Variants in H6PD observed in about 807,000 individuals in gnomAD.
The protein encoded by H6PD is hexose-6-phosphate dehydrogenase/glucose 1-dehydrogenase.
Under a neutral mutation model 61.2 loss-of-function variants are expected in H6PD, and 48 were observed. The observed-to-expected ratio is 0.78, with a 90% CI of 0.62 to 1.00. H6PD has a LOEUF of 1.00. Ranked by LOEUF, H6PD falls within the 50% of genes least tolerant of loss-of-function variation. H6PD has a pLI of 0.00. For synonymous variants in H6PD, 480 were observed against 457.9 expected (o/e 1.05, Z -0.62); for missense variants, 1,093 against 1,065.0 (o/e 1.03, Z -0.37).
intron 3 of H6PD, among the ~76,000 whole-genome samples, chr1:9,252,530 C>T (rs570685485): frequency 2.0e-5 from 3 of 152,196 alleles, no homozygotes; most frequent in East Asian, 1.9e-4. Flanking sequence ...CCCACCTCCC[C>T]GGCTTCTATC....
intron 3 of H6PD, among the ~76,000 whole-genome samples, chr1:9,247,681 C>T (rs1191561785): frequency 2.0e-5 from 3 of 152,172 alleles, no homozygotes; most frequent in Non-Finnish European, 4.4e-5. Flanking sequence ...CCGCCTCTCC[C>T]GCACTGCCAC....
In H6PD at chr1:9,270,119, G is replaced by A. The variant is rs1638701167; in HGVS notation, c.*5250G>A. The A allele has an allele frequency of 1.3e-5, 2 of 152,658 alleles. No homozygotes were observed. The highest frequency in any genetic ancestry group is 2.1e-4 in the South Asian group (1 of 4,830). 9.5% of individuals were successfully genotyped at this position (152,658 alleles called of 1,614,324 possible). A position where few individuals can be genotyped will look rare whatever the true frequency, so the allele number is the denominator to read the frequency against. On this transcript the variant is annotated 3_prime_UTR_variant, in exon 5 of 5. Coordinates refer to ENST00000377403, the MANE Select transcript of H6PD (RefSeq NM_004285.4). ...GCGCTGGGGATGTGCCTGTCTCTGT[G>A]TGACCCACGAACGGGAAGGGAGAGC...
intron 3 of H6PD, among the ~76,000 whole-genome samples, chr1:9,258,910 C>T (rs989834181): frequency 5.3e-5 from 8 of 151,950 alleles, no homozygotes; most frequent in East Asian, 1.9e-4. Context: ...GTTGTTACAT[C>T]GGTGTTATGT....
At chr1:9,248,653 G>C (rs1048128621) in intron 3 of H6PD, among the ~76,000 whole-genome samples, 6 of 147,116 alleles carry the variant, frequency 4.1e-5, no homozygotes, top group Non-Finnish European at 9.0e-5. Flanking sequence ...CAAAATGGGT[G>C]ATGGGTGTTG....
At chr1:9,253,101 A>G (rs1254597688) in intron 3 of H6PD, among the ~76,000 whole-genome samples, 1 of 152,222 alleles carries the variant, frequency 6.6e-6, no homozygotes, top group East Asian at 1.9e-4. Context: ...CCTTGCACTC[A>G]GCTGCATGGC....
chr1:9,244,928 C>T lies in H6PD; in HGVS notation c.-7C>T, dbSNP rs770903607. The T allele has an allele frequency of 9.1e-6, 14 of 1,544,266 alleles. No homozygotes were observed. In the Middle Eastern group the frequency reaches 8.6e-4, roughly 95 times the overall value. On this transcript the variant is annotated 5_prime_UTR_variant, in exon 2 of 5. Transcript: ENST00000377403. Reference sequence around the variant, plus strand: ...TCTGTCTCTCTTTGCACCCCAGGCACCCAGGCATGTGGAATATGCTCATAG... The same window carrying T: ...TCTGTCTCTCTTTGCACCCCAGGCATCCAGGCATGTGGAATATGCTCATAG...
rs566450549 is a variant in H6PD at position 9,248,084 on chromosome 1, C to T, written c.745+1001C>T. Reference sequence around the variant, plus strand: ...GTCTGGCCCCAGCACTCAGGCCTGGCGCCGCTGCGCTGTGCTGCCAGCGCT... The same window carrying T: ...GTCTGGCCCCAGCACTCAGGCCTGGTGCCGCTGCGCTGTGCTGCCAGCGCT... On this transcript the variant is annotated intron_variant, in intron 3 of 4. Coordinates refer to ENST00000377403, the MANE Select transcript of H6PD (RefSeq NM_004285.4). Among the ~76,000 whole-genome samples, 277 of 152,320 alleles carry T rather than the reference C, an allele frequency of 1.8e-3. 2 individuals carry two copies. The highest frequency in any genetic ancestry group is 6.4e-3 in the African/African-American group (266 of 41,566).
In H6PD at chr1:9,262,185, G is replaced by A. The variant is rs751825630; in HGVS notation, c.872G>A (p.Arg291Gln). The change falls in exon 4 of 5, where the codon CGG (arginine) becomes CAG (glutamine). Residue 291 changes from arginine (R) to glutamine (Q), a missense_variant. Arg to Gln is a conservative substitution (Grantham distance 43). Transcript: ENST00000377403. The stretch of plus-strand genomic sequence containing the variant: ...GTCAGCAGTGCGGAGGCTGTGCTGC[G>A]GCACAAGCTTCAGGTCTTCCAGGCG... ...HNVSSAEAVLRHKLQVFQALR... is the reference protein window; with the variant it reads ...HNVSSAEAVLQHKLQVFQALR... 9 of 1,614,200 alleles carry A rather than the reference G, an allele frequency of 5.6e-6. No individual in the cohort carries two copies. Among genetic ancestry groups the A allele is most frequent in the East Asian group, 2.2e-5 (1 of 44,884 alleles).
intron 4 of H6PD, 140 bp downstream of exon 4, chr1:9,262,468 TC>T: frequency 1.2e-6 from 1 of 806,270 alleles, no homozygotes; most frequent in Non-Finnish European, 2.0e-6. Context: ...AGGATGGCAT[TC>T]CCCTGTCTCC....
rs968330296 is a variant in H6PD, at chr1:9,268,101, T to C, written c.*3232T>C. The C allele has an allele frequency of 3.3e-5, 5 of 151,870 alleles. No individual in the cohort carries two copies. The highest frequency in any genetic ancestry group is 5.9e-5 in the Non-Finnish European group (4 of 67,990). 9.4% of individuals were successfully genotyped at this position (151,870 alleles called of 1,614,324 possible). On this transcript the variant is annotated 3_prime_UTR_variant, in exon 5 of 5. Coordinates refer to ENST00000377403, the MANE Select transcript of H6PD (RefSeq NM_004285.4). ...CTACAAAAAGTTTTAAAACCAGGTA[T>C]GGTGGTGCCCTCCTGTGGTCCCAGC...
In H6PD at chr1:9,264,387, A is replaced by C. The variant is rs1332742603; in HGVS notation, c.1894A>C (p.Asn632His). 10 of 1,612,978 alleles carry C rather than the reference A, an allele frequency of 6.2e-6. No individual in the cohort carries two copies. Among genetic ancestry groups the C allele is most frequent in the Non-Finnish European group, 8.5e-6 (10 of 1,179,946 alleles). ...RCVPLSDPES[N>H]FQGLQAHLLQ... ...CGTCCCACTCTCAGACCCGGAGTCC[A>C]ACTTCCAGGGCCTGCAGGCCCACCT... is the stretch of plus-strand genomic sequence containing the variant. The change falls in exon 5 of 5, where the codon AAC becomes CAC. Residue 632 changes from asparagine to histidine, a missense_variant. Coordinates refer to ENST00000377403, the MANE Select transcript of H6PD (RefSeq NM_004285.4).
At chr1:9,258,352 G>A (rs930568126) in intron 3 of H6PD, among the ~76,000 whole-genome samples, 1 of 152,182 alleles carries the variant, frequency 6.6e-6, no homozygotes, top group Non-Finnish European at 1.5e-5. Context: ...TGTTACACCA[G>A]TGTTATGTTG....
chr1:9,241,998 C>A (rs1440391290), intron 1 of H6PD, among the ~76,000 whole-genome samples: 1 of 152,196 alleles, frequency 6.6e-6, no homozygotes, highest in Non-Finnish European at 1.5e-5. Context: ...GATTCAGGAA[C>A]AACCAGTTTT....
intron 3 of H6PD, among the ~76,000 whole-genome samples, chr1:9,255,195 T>A (rs1641478121): frequency 6.6e-6 from 1 of 152,244 alleles, no homozygotes; most frequent in Admixed American, 6.5e-5. Flanking sequence ...TTATTTCTCT[T>A]GAGTATAAAC....
intron 1 of H6PD, among the ~76,000 whole-genome samples, chr1:9,235,735 G>C (rs11121349): frequency 0.45 from 68,696 of 151,712 alleles, 16,069 homozygotes; most frequent in African/African-American, 0.57. Flanking sequence ...CTCAGCCTCC[G>C]GGGTAGCTGG....
chr1:9,248,831 T>C (rs930938971), intron 3 of H6PD, among the ~76,000 whole-genome samples: 1 of 152,192 alleles, frequency 6.6e-6, no homozygotes, highest in Admixed American at 6.5e-5. Flanking sequence ...TGAGCCTTCA[T>C]GGGTCTCAGG....
chr1:9,258,654 GTGT>G (rs1211810207), intron 3 of H6PD, among the ~76,000 whole-genome samples: 1 of 145,158 alleles, frequency 6.9e-6, no homozygotes, highest in African/African-American at 2.8e-5. Flanking sequence ...TGTTATGCCG[GTGT>G]TGTTTTGTTG....
chr1:9,258,035 G>A (rs1377583837), intron 3 of H6PD, among the ~76,000 whole-genome samples: 1 of 152,256 alleles, frequency 6.6e-6, no homozygotes, highest in Non-Finnish European at 1.5e-5. Flanking sequence ...CTGCCCCCGC[G>A]CCTGGTCACC....
At chr1:9,256,997 C>T (rs1351980008) in intron 3 of H6PD, among the ~76,000 whole-genome samples, 1 of 152,156 alleles carries the variant, frequency 6.6e-6, no homozygotes, top group Non-Finnish European at 1.5e-5. Flanking sequence ...GGAGAATCGC[C>T]TCAGCTCTGT....
Sources: allele counts gnomAD v4.1 joint callset (sites outside exome capture counted in the v4.1 genomes callset), GRCh38; gene constraint gnomAD v4.1.1; transcripts MANE v1.5; gene names NCBI Gene and HGNC (gene_info 2026-07-23, HGNC 2026-07-21).